The following ZNF516 variants were observed in gnomAD, a reference collection of about 807,000 sequenced individuals.
The protein encoded by ZNF516 is zinc finger protein 516.
In ZNF516, 19 loss-of-function variants were observed where a neutral mutation model predicts 79.7. That is an observed-to-expected ratio of 0.24 (90% confidence interval 0.17 to 0.35). The LOEUF (loss-of-function observed/expected upper bound fraction) is 0.35, where lower values mean the gene tolerates loss of function less well. ZNF516 is among the 10% of genes least tolerant of loss of function. The pLI, the probability that ZNF516 is intolerant of heterozygous loss-of-function variation, is 1.00. For missense variants in ZNF516, 1,678 were observed against 1,679.5 expected, an observed-to-expected ratio of 1.00 and a Z score of 0.02; for synonymous variants, 877 against 739.5, an observed-to-expected ratio of 1.19 and a Z score of -3.02.
chr18:76,405,974 A>G (rs558936000), intron 3 of ZNF516, among the ~76,000 whole-genome samples: 12 of 151,982 alleles, frequency 7.9e-5, no homozygotes, highest in Non-Finnish European at 1.6e-4. Context: ...ACACTGAACA[A>G]CTCAGTCATG....
At chr18:76,440,217 C>T (rs968453195) in intron 3 of ZNF516, among the ~76,000 whole-genome samples, 21 of 152,218 alleles carry the variant, frequency 1.4e-4, no homozygotes, top group South Asian at 1.2e-3. Context: ...CTGTGTAAGA[C>T]GCTAATAAAC....
At chr18:76,377,273 G>A (rs2074802629) in intron 4 of ZNF516, among the ~76,000 whole-genome samples, 1 of 152,260 alleles carries the variant, frequency 6.6e-6, no homozygotes, top group Non-Finnish European at 1.5e-5. Flanking sequence ...TCAAGCCAAC[G>A]TGAATGACGA....
chr18:76,480,529 A>ATATAT (rs374464151), intron 1 of ZNF516, among the ~76,000 whole-genome samples: 2,268 of 142,054 alleles, frequency 0.016, 28 homozygotes, highest in Non-Finnish European at 0.023. Context: ...ACACACATAT[A>ATATAT]TTTTTTTTTT....
intron 3 of ZNF516, among the ~76,000 whole-genome samples, chr18:76,403,477 A>G (rs1224675764): frequency 2.6e-5 from 4 of 152,194 alleles, no homozygotes; most frequent in African/African-American, 9.7e-5. Context: ...TCACACACGC[A>G]TTCGCACAAC....
rs1051810110 is a variant in ZNF516, at chr18:76,459,818, G to A, written c.-158+3210C>T. On this transcript the variant is annotated intron_variant, in intron 2 of 6. Transcript: ENST00000443185. This position sits in a 1 kb window ranked among gnomAD's most constrained non-coding sequence, Gnocchi z 5.0. The stretch of plus-strand genomic sequence containing the variant: ...GCCCCCGGAGACGAGGTTAGACGGT[G>A]GCAGGCAGGCTAAGAACAGGCGATC... Among the ~76,000 whole-genome samples, 2 of 152,192 alleles carry A rather than the reference G, an allele frequency of 1.3e-5. No individual in the cohort carries two copies. The highest frequency in any genetic ancestry group is 2.9e-5 in the Non-Finnish European group (2 of 68,040).
intron 3 of ZNF516, among the ~76,000 whole-genome samples, chr18:76,426,575 A>G (rs1273366566): frequency 1.3e-5 from 2 of 152,230 alleles, no homozygotes; most frequent in Non-Finnish European, 2.9e-5. Flanking sequence ...TCCACAGTTA[A>G]CCAGGAATAA....
intron 4 of ZNF516, among the ~76,000 whole-genome samples, chr18:76,375,436 C>A (rs975013146): frequency 6.6e-6 from 1 of 151,790 alleles, no homozygotes; most frequent in East Asian, 1.9e-4. Flanking sequence ...GTCCCAGAGA[C>A]CAGGCAGAGG....
At chr18:76,378,796 C>A (rs2074832614) in intron 4 of ZNF516, 59 bp downstream of exon 4, 2 of 1,561,550 alleles carry the variant, frequency 1.3e-6, no homozygotes, top group Non-Finnish European at 8.7e-7. Flanking sequence ...CCCTGGCCCT[C>A]CGGGGGTGGT....
At chr18:76,437,020 T>C (rs1249359653) in intron 3 of ZNF516, among the ~76,000 whole-genome samples, 1 of 148,812 alleles carries the variant, frequency 6.7e-6, no homozygotes, top group Non-Finnish European at 1.5e-5. Flanking sequence ...GGAGCTGAGA[T>C]TGTGCCACTG....
chr18:76,478,271 T>G (rs548682245), intron 1 of ZNF516, among the ~76,000 whole-genome samples: 5 of 152,320 alleles, frequency 3.3e-5, no homozygotes, highest in African/African-American at 1.2e-4. Context: ...GGAAGGGCAT[T>G]TGTTGCTATT....
chr18:76,374,113 C>A (rs1231961270), intron 4 of ZNF516, among the ~76,000 whole-genome samples: 1 of 152,186 alleles, frequency 6.6e-6, no homozygotes, highest in Non-Finnish European at 1.5e-5. Flanking sequence ...GATCAAACTG[C>A]AAGAAAGCAC....
chr18:76,480,251 G>A (rs1363267807), intron 1 of ZNF516, among the ~76,000 whole-genome samples: 1 of 151,196 alleles, frequency 6.6e-6, no homozygotes, highest in African/African-American at 2.4e-5. Flanking sequence ...TGGATATACT[G>A]GATTAAATAA....
chr18:76,404,553 CAT>C (rs1462633125), intron 3 of ZNF516, among the ~76,000 whole-genome samples: 7 of 151,650 alleles, frequency 4.6e-5, no homozygotes, highest in Non-Finnish European at 1.0e-4. Flanking sequence ...TGAACGTGTG[CAT>C]GTGTTTGTAT....
chr18:76,483,288 GA>G (rs1356666677), intron 1 of ZNF516, among the ~76,000 whole-genome samples: 3 of 152,168 alleles, frequency 2.0e-5, no homozygotes, highest in Non-Finnish European at 1.5e-5. Flanking sequence ...CCATTGGAAA[GA>G]AAGGAGGAGA....
intron 1 of ZNF516, chr18:76,490,603 T>C (rs1220617040): frequency 8.1e-6 from 2 of 247,190 alleles, no homozygotes; most frequent in Non-Finnish European, 1.3e-5. Context: ...CACCGTTGCA[T>C]CTACTCGGGT....
At chr18:76,482,453 A>G (rs1178911560) in intron 1 of ZNF516, among the ~76,000 whole-genome samples, 2 of 152,228 alleles carry the variant, frequency 1.3e-5, no homozygotes, top group Non-Finnish European at 2.9e-5. Context: ...CAGGCCCGGC[A>G]GCGGCAGCCC....
At chr18:76,439,476 A>G (rs2075786217) in intron 3 of ZNF516, among the ~76,000 whole-genome samples, 1 of 152,274 alleles carries the variant, frequency 6.6e-6, no homozygotes. Flanking sequence ...GTCTTGTTAT[A>G]GAATCAGCTG....
At chr18:76,491,171 C>T in intron 1 of ZNF516, 1 of 920,962 alleles carries the variant, frequency 1.1e-6, no homozygotes. Flanking sequence ...GGCTCCGCCG[C>T]GCCTCGGCCC....
chr18:76,469,592 A>T (rs72983911), intron 1 of ZNF516, among the ~76,000 whole-genome samples: 6,840 of 152,304 alleles, frequency 0.045, 162 homozygotes, highest in Middle Eastern at 0.071. Context: ...TAAAGAAAGT[A>T]TGGTAACTTT....
Sources: allele counts gnomAD v4.1 joint callset (sites outside exome capture counted in the v4.1 genomes callset), GRCh38; gene constraint gnomAD v4.1.1; non-coding constraint Gnocchi (gnomAD v3.1); transcripts MANE v1.5; gene names NCBI Gene and HGNC (gene_info 2026-07-23, HGNC 2026-07-21).